Variants in DOCK10 observed in about 807,000 individuals in gnomAD.
The protein encoded by DOCK10 is dedicator of cytokinesis 10.
A neutral mutation model predicts 280.1 loss-of-function variants in DOCK10; 145 were observed. That is an observed-to-expected ratio of 0.52 (90% CI 0.45 to 0.59). The LOEUF is 0.59. Among genes scored for constraint, DOCK10 ranks in the 20% least tolerant of loss-of-function variants. DOCK10 has a pLI of 0.00. For synonymous variants in DOCK10, 915 were observed against 942.2 expected, an observed-to-expected ratio of 0.97 and a Z score of 0.53; for missense variants, 2,368 against 2,651.7, an observed-to-expected ratio of 0.89 and a Z score of 2.35.
intron 1 of DOCK10, among the ~76,000 whole-genome samples, chr2:224,990,359 C>T (rs1396704705): frequency 6.6e-6 from 1 of 152,060 alleles, no homozygotes; most frequent in Non-Finnish European, 1.5e-5. Flanking sequence ...AATGTAAATC[C>T]CTGTTGAGCT....
At chr2:224,907,324 C>A (rs567977894) in intron 3 of DOCK10, among the ~76,000 whole-genome samples, 1 of 152,188 alleles carries the variant, frequency 6.6e-6, no homozygotes, top group East Asian at 1.9e-4. Context: ...GGGGCTTGTG[C>A]CGAATTGTGT....
At chr2:224,922,612 T>C (rs989125947) in intron 2 of DOCK10, among the ~76,000 whole-genome samples, 1 of 152,194 alleles carries the variant, frequency 6.6e-6, no homozygotes, top group Non-Finnish European at 1.5e-5. Context: ...GCCCTGTCAC[T>C]TTCTGGTTTC....
At chr2:224,868,059 G>A (rs1698043378) in intron 11 of DOCK10, among the ~76,000 whole-genome samples, 1 of 152,106 alleles carries the variant, frequency 6.6e-6, no homozygotes, top group Non-Finnish European at 1.5e-5. Context: ...TTGTGTGTGG[G>A]GTCCTGTTGA....
At chr2:224,907,521 A>C (rs980693687) in intron 3 of DOCK10, among the ~76,000 whole-genome samples, 3 of 152,094 alleles carry the variant, frequency 2.0e-5, no homozygotes, top group African/African-American at 4.8e-5. Context: ...CCCTGTCTCT[A>C]CTAAAAATAC....
intron 15 of DOCK10, among the ~76,000 whole-genome samples, chr2:224,855,710 C>G (rs898623094): frequency 6.6e-6 from 1 of 152,146 alleles, no homozygotes; most frequent in Non-Finnish European, 1.5e-5. Flanking sequence ...TGGTAACAGT[C>G]GCAAGTGTTA....
At chr2:224,834,029 C>T (rs1695429557) in intron 26 of DOCK10, 121 bp downstream of exon 26, 2 of 638,070 alleles carry the variant, frequency 3.1e-6, no homozygotes, top group Non-Finnish European at 5.6e-6. Flanking sequence ...TCAATATGAA[C>T]CTTATGCTGG....
chr2:224,928,937 C>T lies in DOCK10; in HGVS notation c.243+2612G>A, dbSNP rs867635132. On this transcript the variant is annotated intron_variant, in intron 2 of 55. Transcript: ENST00000258390. ...TTAGAATAAGATGCAAACGCCTTAT[C>T]CTGTCCAGCCATACCAATCTCCAAT... Among the ~76,000 whole-genome samples the T allele has an allele frequency of 1.4e-4, 21 of 152,344 alleles. No individual in the cohort carries two copies. The South Asian group carries it at 3.7e-3, about 27-fold the overall frequency.
intron 1 of DOCK10, among the ~76,000 whole-genome samples, chr2:224,971,429 G>A (rs1468429333): frequency 6.6e-6 from 1 of 152,040 alleles, no homozygotes. Flanking sequence ...ACTGTAGCAG[G>A]GTGTGAAGTG....
At chr2:224,814,201 T>G (rs1190535120) in intron 31 of DOCK10, 119 bp downstream of exon 31, 1 of 483,022 alleles carries the variant, frequency 2.1e-6, no homozygotes, top group East Asian at 3.6e-5. Flanking sequence ...TGAATATTTT[T>G]ATCATATGAT....
At position 224,987,873 on chromosome 2, in the gene DOCK10, A is replaced by G. The variant is rs201055063; in HGVS notation, c.123+54379T>C. 1.6e-4 allele frequency among the ~76,000 whole-genome samples: 24 copies of G among 152,294 alleles called. No individual in the cohort carries two copies. The East Asian group carries it at 4.6e-3, about 29-fold the overall frequency. ...TGTCCAAATGACAGCCTGGTGGAAGAGGTGGCCAGCAGAGCACAGTAGAAA... is the reference window on the plus strand; with the variant it reads ...TGTCCAAATGACAGCCTGGTGGAAGGGGTGGCCAGCAGAGCACAGTAGAAA... On this transcript the variant is annotated intron_variant, in intron 1 of 55. Transcript: ENST00000258390.
intron 24 of DOCK10, among the ~76,000 whole-genome samples, chr2:224,839,605 C>T (rs550201675): frequency 2.3e-4 from 35 of 152,268 alleles, no homozygotes; most frequent in Middle Eastern, 3.4e-3. Flanking sequence ...CAATTACAAA[C>T]ATTTACCTAC....
At chr2:224,936,730 C>T (rs546402470) in intron 1 of DOCK10, among the ~76,000 whole-genome samples, 1 of 152,170 alleles carries the variant, frequency 6.6e-6, no homozygotes, top group South Asian at 2.1e-4. Flanking sequence ...CTAATATTAT[C>T]AGTTATGATA....
intron 41 of DOCK10, among the ~76,000 whole-genome samples, chr2:224,798,190 A>G (rs1206650106): frequency 6.6e-6 from 1 of 152,210 alleles, no homozygotes; most frequent in East Asian, 1.9e-4. Flanking sequence ...TGTGATTGAA[A>G]GTAGTTGCTT....
At chr2:225,000,884 G>C (rs1706413332) in intron 1 of DOCK10, among the ~76,000 whole-genome samples, 1 of 152,218 alleles carries the variant, frequency 6.6e-6, no homozygotes, top group South Asian at 2.1e-4. Flanking sequence ...GCTGAGGCAG[G>C]AGGATCGCTT....
chr2:224,956,549 C>T (rs1264007710), intron 1 of DOCK10, among the ~76,000 whole-genome samples: 2 of 144,330 alleles, frequency 1.4e-5, no homozygotes. Flanking sequence ...ACTTGAACCT[C>T]GGAGGTGGAG....
intron 1 of DOCK10, among the ~76,000 whole-genome samples, chr2:224,995,042 C>A (rs558229766): frequency 6.6e-6 from 1 of 152,212 alleles, no homozygotes; most frequent in South Asian, 2.1e-4. Flanking sequence ...GCTGGCAAGT[C>A]AGGAGGGGAA....
At chr2:224,817,968 A>G (rs1694245434) in intron 29 of DOCK10, among the ~76,000 whole-genome samples, 1 of 152,206 alleles carries the variant, frequency 6.6e-6, no homozygotes, top group African/African-American at 2.4e-5. Flanking sequence ...AAAGGTTAAC[A>G]GAGAATTATT....
chr2:224,940,597 C>A (rs1204405097), intron 1 of DOCK10, among the ~76,000 whole-genome samples: 1 of 152,104 alleles, frequency 6.6e-6, no homozygotes, highest in African/African-American at 2.4e-5. Context: ...AAAATGGGGG[C>A]TTAAGAACCT....
intron 39 of DOCK10, among the ~76,000 whole-genome samples, chr2:224,802,785 CT>C (rs1194169226): frequency 1.2e-4 from 19 of 152,284 alleles, no homozygotes; most frequent in African/African-American, 4.3e-4. Flanking sequence ...TATAACAACA[CT>C]TATGGAAAGA....
Sources: allele counts gnomAD v4.1 joint callset (sites outside exome capture counted in the v4.1 genomes callset), GRCh38; gene constraint gnomAD v4.1.1; transcripts MANE v1.5; gene names NCBI Gene and HGNC (gene_info 2026-07-23, HGNC 2026-07-21).